SEMA3A: variants seen among roughly 807,000 people sequenced by gnomAD.
SEMA3A encodes the protein semaphorin-3A.
SEMA3A carries 29 observed loss-of-function variants against 97.9 expected under a neutral mutation model. That is an observed-to-expected ratio of 0.30 (90% confidence interval 0.22 to 0.40). The LOEUF (loss-of-function observed/expected upper bound fraction) is 0.40. Ranked by LOEUF, SEMA3A falls within the 10% of genes least tolerant of loss-of-function variation. The pLI is 1.00. For missense variants in SEMA3A, 763 were observed against 951.3 expected, an observed-to-expected ratio of 0.80 and a Z score of 2.60; for synonymous variants, 321 against 323.7, an observed-to-expected ratio of 0.99 and a Z score of 0.09.
chr7:84,382,865 G>A (rs1321966566), intron 1 of SEMA3A, among the ~76,000 whole-genome samples: 1 of 151,884 alleles, frequency 6.6e-6, no homozygotes, highest in East Asian at 1.9e-4. Flanking sequence ...GTGACAGAGC[G>A]AGACTCCATC....
intron 1 of SEMA3A, among the ~76,000 whole-genome samples, chr7:84,450,607 T>A (rs1409392060): frequency 6.6e-6 from 1 of 152,192 alleles, no homozygotes; most frequent in Non-Finnish European, 1.5e-5. Flanking sequence ...GATTATAGAA[T>A]TCATTTATTC....
intron 1 of SEMA3A, among the ~76,000 whole-genome samples, chr7:84,167,161 A>G (rs1797239734): frequency 8.4e-6 from 1 of 118,948 alleles, no homozygotes; most frequent in African/African-American, 2.9e-5. Context: ...AAGGGACCTA[A>G]TCAGGATTTC....
chr7:83,977,296 C>A, intron 14 of SEMA3A, 100 bp from the exon 15 acceptor site: 2 of 488,926 alleles, frequency 4.1e-6, no homozygotes, highest in South Asian at 6.4e-5. Context: ...ATATATATAT[C>A]ATAGACTCTA....
chr7:84,221,410 C>G (rs1303245777), intron 3 of SEMA3A, among the ~76,000 whole-genome samples: 1 of 152,116 alleles, frequency 6.6e-6, no homozygotes, highest in African/African-American at 2.4e-5. Context: ...TCAAGAACTT[C>G]TTTGCATTCA....
chr7:84,102,552 T>C (rs1347972039), intron 4 of SEMA3A, among the ~76,000 whole-genome samples: 1 of 148,114 alleles, frequency 6.8e-6, no homozygotes, highest in Non-Finnish European at 1.5e-5. Flanking sequence ...GAGAGTATCC[T>C]CTGGTGTGAA....
chr7:84,467,412 C>T (rs1806029834), intron 1 of SEMA3A, among the ~76,000 whole-genome samples: 1 of 150,644 alleles, frequency 6.6e-6, no homozygotes, highest in South Asian at 2.1e-4. Flanking sequence ...GTCTCAGCTA[C>T]TTGGGAGGCT....
At chr7:84,251,616 CAGTT>C (rs1197227167) in intron 3 of SEMA3A, among the ~76,000 whole-genome samples, 3 of 152,186 alleles carry the variant, frequency 2.0e-5, no homozygotes, top group Non-Finnish European at 2.9e-5. Flanking sequence ...CCAAGCTACA[CAGTT>C]AGTGACCGCC....
chr7:84,425,416 T>C (rs1284030114), intron 1 of SEMA3A, among the ~76,000 whole-genome samples: 3 of 133,044 alleles, frequency 2.3e-5, no homozygotes, highest in African/African-American at 8.2e-5. Context: ...TATATGCCTA[T>C]ATTTATATGA....
intron 3 of SEMA3A, among the ~76,000 whole-genome samples, chr7:84,218,464 T>G (rs1036894128): frequency 5.9e-5 from 9 of 152,274 alleles, no homozygotes; most frequent in South Asian, 2.1e-4. Context: ...CCTAGTTTTC[T>G]TGCTTCCTAA....
At chr7:83,988,319 C>T (rs934764675) in intron 12 of SEMA3A, among the ~76,000 whole-genome samples, 8 of 151,974 alleles carry the variant, frequency 5.3e-5, no homozygotes, top group Admixed American at 1.3e-4. Context: ...CTCTGCCCCT[C>T]GGGTTCATGC....
In SEMA3A at chr7:84,093,827, C is replaced by A. The variant is rs551069586; in HGVS notation, c.453+16643G>T. Among the ~76,000 whole-genome samples, 6 of 151,620 alleles carry A rather than the reference C, an allele frequency of 4.0e-5. No individual in the cohort carries two copies. In the South Asian group the frequency reaches 1.2e-3, roughly 31 times the overall value. On this transcript the variant is annotated intron_variant, in intron 4 of 16. Transcript: ENST00000265362. Reference sequence around the variant, plus strand: ...GGAAGGAGAGCATCAGGAAAAATAGCGAAGGCATGCTGGGCTTAATACTTA... The same window carrying A: ...GGAAGGAGAGCATCAGGAAAAATAGAGAAGGCATGCTGGGCTTAATACTTA...
chr7:84,219,752 T>A (rs755192823), intron 3 of SEMA3A, among the ~76,000 whole-genome samples: 3 of 152,222 alleles, frequency 2.0e-5, no homozygotes, highest in Non-Finnish European at 4.4e-5. Flanking sequence ...CTTAGCTGTA[T>A]CTTCTGGATG....
intron 2 of SEMA3A, among the ~76,000 whole-genome samples, chr7:84,132,571 C>G (rs781358006): frequency 7.4e-5 from 11 of 148,710 alleles, no homozygotes; most frequent in Non-Finnish European, 1.6e-4. Context: ...ATATGAATAT[C>G]ACAAAATGAT....
chr7:84,314,875 T>C (rs914801465), intron 2 of SEMA3A, among the ~76,000 whole-genome samples: 1 of 152,176 alleles, frequency 6.6e-6, no homozygotes, highest in Non-Finnish European at 1.5e-5. Context: ...AAAGCTGGTT[T>C]TCTTTAAATA....
intron 3 of SEMA3A, among the ~76,000 whole-genome samples, chr7:84,295,979 A>G (rs1800860851): frequency 6.6e-6 from 1 of 152,148 alleles, no homozygotes; most frequent in South Asian, 2.1e-4. Context: ...AAATCATGAA[A>G]ATGATTCAGC....
At chr7:84,008,970 G>C (rs539407291) in intron 9 of SEMA3A, among the ~76,000 whole-genome samples, 2 of 151,684 alleles carry the variant, frequency 1.3e-5, no homozygotes, top group Non-Finnish European at 2.9e-5. Context: ...AGCTATCATC[G>C]AAATACTTAA....
At position 83,985,149 on chromosome 7, in the gene SEMA3A, A is replaced by G. The variant is rs968087567; in HGVS notation, c.1494+287T>C. On this transcript the variant is annotated intron_variant, in intron 13 of 16. Transcript: ENST00000265362. ...AAAATTATTATTGAGTATTGAGTAAATTATATTAAAATGACCAAAATACAC... is the reference window on the plus strand; with the variant it reads ...AAAATTATTATTGAGTATTGAGTAAGTTATATTAAAATGACCAAAATACAC... Among the ~76,000 whole-genome samples the G allele has an allele frequency of 3.3e-5, 5 of 152,130 alleles. No individual in the cohort carries two copies. The South Asian group carries it at 1.0e-3, about 31-fold the overall frequency.
chr7:84,079,861 C>G (rs1458481720), intron 4 of SEMA3A, among the ~76,000 whole-genome samples: 12 of 142,952 alleles, frequency 8.4e-5, no homozygotes, highest in Non-Finnish European at 1.8e-4. Flanking sequence ...GGGTATATAC[C>G]CAAAGGACTA....
chr7:84,060,174 G>C (rs1416032624), intron 5 of SEMA3A, among the ~76,000 whole-genome samples: 1 of 152,122 alleles, frequency 6.6e-6, no homozygotes, highest in Non-Finnish European at 1.5e-5. Flanking sequence ...CCAGCACAAG[G>C]TAACACAATG....
Sources: allele counts gnomAD v4.1 joint callset (sites outside exome capture counted in the v4.1 genomes callset), GRCh38; gene constraint gnomAD v4.1.1; transcripts MANE v1.5; gene names NCBI Gene and HGNC (gene_info 2026-07-23, HGNC 2026-07-21).